SPECC1: variants seen among roughly 807,000 people sequenced by gnomAD.
The protein encoded by SPECC1 is sperm antigen with calponin homology and coiled-coil domains 1.
A neutral mutation model predicts 104.1 loss-of-function variants in SPECC1; 62 were observed. The ratio of observed to expected loss-of-function variants is 0.60; its 90% CI spans 0.49 to 0.74. SPECC1 has a LOEUF of 0.74. SPECC1 is among the 30% of genes least tolerant of loss of function. The probability of loss-of-function intolerance (pLI) is 0.00; values close to 1 mark genes in which losing one functional copy is unlikely to be tolerated. For missense variants in SPECC1, 1,306 were observed against 1,310.5 expected, an observed-to-expected ratio of 1.00 and a Z score of 0.05; for synonymous variants, 513 against 501.6, an observed-to-expected ratio of 1.02 and a Z score of -0.30.
chr17:20,146,161 G>C (rs1300719070), intron 3 of SPECC1, among the ~76,000 whole-genome samples: 1 of 152,146 alleles, frequency 6.6e-6, no homozygotes, highest in Non-Finnish European at 1.5e-5. Context: ...CCATTACAGA[G>C]TCATACAGAG....
intron 3 of SPECC1, among the ~76,000 whole-genome samples, chr17:20,201,297 TAA>T (rs562224075): frequency 1.5e-5 from 2 of 133,506 alleles, no homozygotes; most frequent in African/African-American, 2.7e-5. Flanking sequence ...CCATCTCTAC[TAA>T]AAAAAAAAAA....
intron 3 of SPECC1, among the ~76,000 whole-genome samples, chr17:20,159,979 C>T (rs1387062018): frequency 6.6e-6 from 1 of 152,160 alleles, no homozygotes; most frequent in African/African-American, 2.4e-5. Flanking sequence ...TTTATATTCA[C>T]ACAAAGGTGC....
intron 3 of SPECC1, among the ~76,000 whole-genome samples, chr17:20,148,199 TC>T (rs1351768966): frequency 2.0e-5 from 3 of 152,238 alleles, no homozygotes; most frequent in Non-Finnish European, 4.4e-5. Context: ...CAAGGAATCT[TC>T]CTAGAAACTG....
At chr17:20,099,572 G>A (rs1456201203) in intron 2 of SPECC1, among the ~76,000 whole-genome samples, 1 of 147,784 alleles carries the variant, frequency 6.8e-6, no homozygotes, top group Non-Finnish European at 1.5e-5. Flanking sequence ...GCATAGTCCT[G>A]TAGTCCCAGC....
chr17:20,130,231 T>C (rs766331158), intron 3 of SPECC1, among the ~76,000 whole-genome samples: 32 of 152,232 alleles, frequency 2.1e-4, no homozygotes, highest in Non-Finnish European at 4.0e-4. Flanking sequence ...AAGGGTATCC[T>C]TTCTCTATTG....
In SPECC1 at chr17:20,204,686, G is replaced by C; in HGVS notation, c.637G>C (p.Asp213His). Reference protein sequence around the residue: ...EGTDALGPNVDGTSVSPGDTE... With the variant: ...EGTDALGPNVHGTSVSPGDTE... ...GACTGATGCTTTGGGCCCAAATGTC[G>C]ATGGAACATCAGTCTCCCCAGGTGA... Residue 213 changes from aspartate (D) to histidine (H), a missense_variant, in exon 4 of 15, where the codon GAT becomes CAT. Coordinates refer to ENST00000395527, the MANE Select transcript of SPECC1 (RefSeq NM_001243439.2). The C allele has an allele frequency of 6.2e-7, 1 of 1,613,796 alleles. No individual in the cohort carries two copies. Among genetic ancestry groups the C allele is most frequent in the Non-Finnish European group, 8.5e-7 (1 of 1,179,944 alleles).
Position 20,055,543 on chromosome 17 carries a change from A to G in SPECC1, c.-21-41088A>G, listed in dbSNP as rs116947526. Among the ~76,000 whole-genome samples the G allele has an allele frequency of 5.2e-3, 790 of 152,330 alleles. 6 individuals carry two copies. Among genetic ancestry groups the G allele is most frequent in the Non-Finnish European group, 8.2e-3 (559 of 68,030 alleles). ...TGCGTTCTGTTCATTTTAAGTCTCT[A>G]GCAACTAATGGGATATTTGAACAGG... On this transcript the variant is annotated intron_variant, in intron 1 of 14. Transcript: ENST00000395527.
chr17:20,307,299 C>G (rs758135247), intron 14 of SPECC1, among the ~76,000 whole-genome samples: 18 of 152,176 alleles, frequency 1.2e-4, no homozygotes, highest in Non-Finnish European at 2.4e-4. Flanking sequence ...TGGTTCACCA[C>G]TCAGTATTGT....
chr17:20,269,791 C>T (rs2040338610), intron 12 of SPECC1, among the ~76,000 whole-genome samples: 1 of 152,346 alleles, frequency 6.6e-6, no homozygotes, highest in African/African-American at 2.4e-5. Flanking sequence ...ACTTCCTGCC[C>T]TGTGCCTTTT....
chr17:20,204,030 G>A (rs554172737), intron 3 of SPECC1, among the ~76,000 whole-genome samples: 3 of 152,178 alleles, frequency 2.0e-5, no homozygotes, highest in Non-Finnish European at 4.4e-5. Flanking sequence ...AGCTTGCCCA[G>A]AAAACCTTCC....
intron 9 of SPECC1, among the ~76,000 whole-genome samples, chr17:20,252,107 A>G (rs762784673): frequency 2.0e-5 from 3 of 152,174 alleles, no homozygotes; most frequent in Admixed American, 6.5e-5. Flanking sequence ...GTGTTTTTCA[A>G]GGTTTTTCCT....
chr17:20,259,823 A>G (rs1443014027), intron 11 of SPECC1, among the ~76,000 whole-genome samples: 2 of 152,110 alleles, frequency 1.3e-5, no homozygotes, highest in Admixed American at 6.5e-5. Flanking sequence ...TCTACCTTTT[A>G]CATGTTATTT....
At chr17:20,243,642 C>A (rs1008793988) in intron 7 of SPECC1, among the ~76,000 whole-genome samples, 2 of 152,132 alleles carry the variant, frequency 1.3e-5, no homozygotes, top group African/African-American at 2.4e-5. Flanking sequence ...AGGGTTTTCT[C>A]ATACTGACTC....
chr17:20,188,725 A>AAACC (rs2035451066), intron 3 of SPECC1, among the ~76,000 whole-genome samples: 1 of 152,214 alleles, frequency 6.6e-6, no homozygotes, highest in Admixed American at 6.5e-5. Flanking sequence ...AGTGCTTACA[A>AAACC]AACCAAAGTG....
chr17:20,173,848 G>T (rs1048070975), intron 3 of SPECC1, among the ~76,000 whole-genome samples: 5 of 151,972 alleles, frequency 3.3e-5, no homozygotes, highest in Admixed American at 6.6e-5. Context: ...TGCAGTTTCT[G>T]CCAGCCCCTT....
chr17:20,237,075 A>G, intron 7 of SPECC1: 1 of 1,437,536 alleles, frequency 7.0e-7, no homozygotes, highest in Non-Finnish European at 9.1e-7. Flanking sequence ...TTTTGGGATC[A>G]GCTTACTGCA....
At chr17:20,215,826 C>T (rs1567950428) in intron 4 of SPECC1, among the ~76,000 whole-genome samples, 1 of 152,154 alleles carries the variant, frequency 6.6e-6, no homozygotes, top group East Asian at 1.9e-4. Context: ...TCTACAGTCT[C>T]TATTCTTATG....
At chr17:20,182,316 G>A (rs1207638582) in intron 3 of SPECC1, among the ~76,000 whole-genome samples, 3 of 151,912 alleles carry the variant, frequency 2.0e-5, no homozygotes, top group Non-Finnish European at 4.4e-5. Context: ...AGGTTTTGCC[G>A]TGTTGCTCAG....
intron 1 of SPECC1, among the ~76,000 whole-genome samples, chr17:20,025,046 G>A (rs140830564): frequency 8.5e-4 from 129 of 152,330 alleles, no homozygotes; most frequent in African/African-American, 3.1e-3. Flanking sequence ...GTTTAGCCTA[G>A]TCAGTGTTCC....
Sources: gnomAD v4.1 joint callset for allele counts (sites outside exome capture counted in the v4.1 genomes callset) on GRCh38, gnomAD v4.1.1 for gene constraint, MANE v1.5 for transcripts, NCBI Gene and HGNC (gene_info 2026-07-23, HGNC 2026-07-21) for gene names.